Variants in ADK observed in about 807,000 individuals in gnomAD.
The protein encoded by ADK is N6,N6-dimethyladenosine kinase.
ADK carries 24 observed loss-of-function variants against 44.7 expected under a neutral mutation model. The ratio of observed to expected loss-of-function variants is 0.54; its 90% CI spans 0.39 to 0.76. The LOEUF is 0.76. Among genes scored for constraint, ADK ranks in the 30% least tolerant of loss-of-function variants. The pLI, the probability that ADK is intolerant of heterozygous loss-of-function variation, is 0.00. For synonymous variants in ADK, 128 were observed against 142.6 expected (o/e 0.90, Z 0.73); for missense variants, 321 against 425.1 (o/e 0.76, Z 2.15).
intron 1 of ADK, among the ~76,000 whole-genome samples, chr10:74,198,075 A>AAGCCCAAT (rs1843229808): frequency 5.3e-5 from 8 of 152,314 alleles, no homozygotes; most frequent in Non-Finnish European, 1.0e-4. Flanking sequence ...GGAAAATAAA[A>AAGCCCAAT]AACCAAGTAG....
chr10:74,300,274 C>G lies in ADK; in HGVS notation c.195-14393C>G, dbSNP rs1564640745. On this transcript the variant is annotated intron_variant, in intron 3 of 10. Coordinates refer to ENST00000539909, the MANE Select transcript of ADK (RefSeq NM_006721.4). Reference sequence around the variant, plus strand: ...TCTCTCCTTGTTTCCTTCCTTCCTTCCTTCCTTCCTTCCTTCCTTCCTTCC... The same window carrying G: ...TCTCTCCTTGTTTCCTTCCTTCCTTGCTTCCTTCCTTCCTTCCTTCCTTCC... Among the ~76,000 whole-genome samples, 121 of 47,572 alleles carry G rather than the reference C, an allele frequency of 2.5e-3. 3 individuals are homozygous for G. The highest frequency in any genetic ancestry group is 0.014 in the South Asian group (21 of 1,520). The allele number at this position is 47,572 out of a possible 152,430, so 31.2% of individuals were successfully genotyped here.
intron 9 of ADK, among the ~76,000 whole-genome samples, chr10:74,658,146 G>T (rs1480070864): frequency 6.6e-6 from 1 of 152,076 alleles, no homozygotes; most frequent in Non-Finnish European, 1.5e-5. Flanking sequence ...TTTTTAACAG[G>T]GGAATAACAT....
rs574657904 is a variant in ADK, at chr10:74,306,878, C to T, written c.195-7789C>T. 5.3e-5 allele frequency among the ~76,000 whole-genome samples: 8 copies of T among 152,124 alleles called. No individual in the cohort carries two copies. In the South Asian group the frequency reaches 1.5e-3, roughly 28 times the overall value. On this transcript the variant is annotated intron_variant, in intron 3 of 10. Coordinates refer to ENST00000539909, the MANE Select transcript of ADK (RefSeq NM_006721.4). ...TCCAGGTTAATGCAGAGGTTTCTAGCTTAATTTCTTTCTGCCTTCAAAATT... is the reference window on the plus strand; with the variant it reads ...TCCAGGTTAATGCAGAGGTTTCTAGTTTAATTTCTTTCTGCCTTCAAAATT...
At chr10:74,494,201 C>G (rs1446592688) in intron 6 of ADK, among the ~76,000 whole-genome samples, 1 of 152,000 alleles carries the variant, frequency 6.6e-6, no homozygotes, top group Non-Finnish European at 1.5e-5. Flanking sequence ...CTTTGACAGC[C>G]CTTTTAGCTA....
rs137866487 is a variant in ADK at position 74,702,137 on chromosome 10, A to G, written c.965-6184A>G. Among the ~76,000 whole-genome samples, 290 of 151,436 alleles carry G rather than the reference A, an allele frequency of 1.9e-3. 1 individual carries two copies. Among genetic ancestry groups the G allele is most frequent in the African/African-American group, 6.8e-3 (279 of 41,252 alleles). ...CTTCAGTTAAAAATTATGAGTGGATACTCAATCTGGGAGGGGGTTGGGACT... is the reference window on the plus strand; with the variant it reads ...CTTCAGTTAAAAATTATGAGTGGATGCTCAATCTGGGAGGGGGTTGGGACT... On this transcript the variant is annotated intron_variant, in intron 10 of 10. Transcript: ENST00000539909.
intron 2 of ADK, among the ~76,000 whole-genome samples, chr10:74,201,772 T>G (rs902195358): frequency 1.3e-5 from 2 of 151,876 alleles, no homozygotes; most frequent in Non-Finnish European, 2.9e-5. Flanking sequence ...TACCCACTGG[T>G]CATCTTACAA....
intron 6 of ADK, among the ~76,000 whole-genome samples, chr10:74,417,345 A>G (rs1241853218): frequency 6.6e-6 from 1 of 152,100 alleles, no homozygotes; most frequent in Non-Finnish European, 1.5e-5. Context: ...GTTTTCCTTT[A>G]TAGATATTCC....
intron 6 of ADK, among the ~76,000 whole-genome samples, chr10:74,468,651 T>C (rs1038208308): frequency 6.6e-6 from 1 of 152,142 alleles, no homozygotes; most frequent in African/African-American, 2.4e-5. Flanking sequence ...AGTTCTCCTC[T>C]TCTGAAATGG....
chr10:74,571,963 C>T (rs2133859159), intron 7 of ADK, among the ~76,000 whole-genome samples: 1 of 152,274 alleles, frequency 6.6e-6, no homozygotes. Flanking sequence ...ATCCAGTTTG[C>T]CAGTCGGTGT....
At chr10:74,660,275 T>C (rs1392141356) in intron 9 of ADK, among the ~76,000 whole-genome samples, 3 of 152,060 alleles carry the variant, frequency 2.0e-5, no homozygotes, top group African/African-American at 7.2e-5. Context: ...GCTACAGGAA[T>C]GCACCACCAC....
chr10:74,707,107 C>A (rs1856628731), intron 10 of ADK, among the ~76,000 whole-genome samples: 1 of 152,206 alleles, frequency 6.6e-6, no homozygotes, highest in Non-Finnish European at 1.5e-5. Context: ...ATGATCATAG[C>A]TAACCACAGC....
chr10:74,276,192 A>G (rs1028753758), intron 3 of ADK, among the ~76,000 whole-genome samples: 1 of 152,172 alleles, frequency 6.6e-6, no homozygotes, highest in African/African-American at 2.4e-5. Flanking sequence ...TCTGCTGAAT[A>G]TATATGATTC....
At chr10:74,159,144 T>A (rs988671622) in intron 1 of ADK, among the ~76,000 whole-genome samples, 1 of 152,268 alleles carries the variant, frequency 6.6e-6, no homozygotes. Flanking sequence ...ACACTTCAGA[T>A]CTAGAAGCAA....
Position 74,390,593 on chromosome 10 carries a change from A to T in ADK, c.274-3548A>T, listed in dbSNP as rs141540402. Among the ~76,000 whole-genome samples, 204 of 152,256 alleles carry T rather than the reference A, an allele frequency of 1.3e-3. 1 individual carries two copies. Among genetic ancestry groups the T allele is most frequent in the African/African-American group, 4.6e-3 (192 of 41,568 alleles). Reference sequence around the variant, plus strand: ...TCCTTATTCAAGAAATTAAGCATTGATACTGTTTTCTGATGTGTGATCAAG... The same window carrying T: ...TCCTTATTCAAGAAATTAAGCATTGTTACTGTTTTCTGATGTGTGATCAAG... On this transcript the variant is annotated intron_variant, in intron 4 of 10. Transcript: ENST00000539909.
At chr10:74,244,155 C>G (rs1327099189) in intron 3 of ADK, among the ~76,000 whole-genome samples, 2 of 152,086 alleles carry the variant, frequency 1.3e-5, no homozygotes, top group Non-Finnish European at 2.9e-5. Context: ...TCTTGGTAAC[C>G]AAGCTACTTC....
chr10:74,600,089 G>GTA (rs1852061505), intron 8 of ADK, among the ~76,000 whole-genome samples: 1 of 152,118 alleles, frequency 6.6e-6, no homozygotes, highest in African/African-American at 2.4e-5. Context: ...ATGAAATTAT[G>GTA]TATAGTTCTT....
intron 4 of ADK, chr10:74,372,167 A>G (rs201169468): frequency 1.8e-4 from 134 of 754,616 alleles, no homozygotes; most frequent in Non-Finnish European, 3.1e-4. Context: ...CTGAAAAAGC[A>G]GAGCAGCCTG....
intron 6 of ADK, among the ~76,000 whole-genome samples, chr10:74,474,527 T>G (rs1327844035): frequency 6.6e-6 from 1 of 150,692 alleles, no homozygotes; most frequent in East Asian, 1.9e-4. Context: ...TTCCCTTTCT[T>G]TCCTTTCTTT....
intron 4 of ADK, among the ~76,000 whole-genome samples, chr10:74,349,570 A>G (rs1265587587): frequency 1.3e-5 from 2 of 152,194 alleles, no homozygotes; most frequent in African/African-American, 2.4e-5. Flanking sequence ...AATAATATTA[A>G]CCTTAGCTGT....
Sources: gnomAD v4.1 joint callset for allele counts (sites outside exome capture counted in the v4.1 genomes callset) on GRCh38, gnomAD v4.1.1 for gene constraint, MANE v1.5 for transcripts, NCBI Gene and HGNC (gene_info 2026-07-23, HGNC 2026-07-21) for gene names.